The following SQSTM1 variants were observed in gnomAD, a reference collection of about 807,000 sequenced individuals.
SQSTM1 encodes sequestosome 1.
SQSTM1 carries 36 observed loss-of-function variants against 45.1 expected under a neutral mutation model. The observed-to-expected ratio is 0.80, with a 90% CI of 0.61 to 1.05. SQSTM1 has a LOEUF of 1.05. Ranked by LOEUF, SQSTM1 falls within the 50% of genes least tolerant of loss-of-function variation. The pLI, the probability that SQSTM1 is intolerant of heterozygous loss-of-function variation, is 0.00. For missense variants in SQSTM1, 617 were observed against 607.1 expected (o/e 1.02, Z -0.17); for synonymous variants, 290 against 244.3 (o/e 1.19, Z -1.74).
chr5:179,834,185 T>C (rs1480763816), intron 7 of SQSTM1, among the ~76,000 whole-genome samples: 1 of 116,920 alleles, frequency 8.6e-6, no homozygotes, highest in Non-Finnish European at 1.6e-5. Context: ...AAGATCCCTG[T>C]AGGAGCCAGG....
intron 5 of SQSTM1, among the ~76,000 whole-genome samples, chr5:179,828,783 C>A (rs950101413): frequency 6.6e-6 from 1 of 151,854 alleles, no homozygotes; most frequent in East Asian, 1.9e-4. Context: ...CTGCTCCCCC[C>A]TTAAACTCTA....
chr5:179,820,887 G>A (rs1185843692), upstream of SQSTM1: 15 of 1,427,828 alleles, frequency 1.1e-5, no homozygotes, highest in Non-Finnish European at 1.4e-5. Flanking sequence ...CAAAAGCCGC[G>A]CGGCGGCTGC....
upstream of SQSTM1, among the ~76,000 whole-genome samples, chr5:179,816,980 G>A (rs1757599288): frequency 6.6e-6 from 1 of 152,158 alleles, no homozygotes; most frequent in Non-Finnish European, 1.5e-5. Flanking sequence ...CGCGGGACGG[G>A]GCAGGGACCT....
intron 5 of SQSTM1, among the ~76,000 whole-genome samples, chr5:179,830,355 C>T (rs1045921588): frequency 2.0e-5 from 3 of 152,078 alleles, no homozygotes; most frequent in Non-Finnish European, 2.9e-5. Context: ...GACAATGGAA[C>T]AACTGATGAC....
intron 5 of SQSTM1, among the ~76,000 whole-genome samples, chr5:179,832,535 A>G (rs1758275625): frequency 1.3e-5 from 2 of 152,162 alleles, no homozygotes; most frequent in African/African-American, 4.8e-5. Flanking sequence ...GCCTTCCATC[A>G]CTGTGGCTGG....
intron 5 of SQSTM1, among the ~76,000 whole-genome samples, chr5:179,832,072 T>C (rs545770103): frequency 6.6e-6 from 1 of 152,326 alleles, no homozygotes; most frequent in African/African-American, 2.4e-5. Flanking sequence ...CGTGAGCCAC[T>C]GCGCTCGGCC....
At position 179,806,911 on chromosome 5, in the gene SQSTM1, C is replaced by G. The variant is rs1757191682; in HGVS notation, c.-157+320C>G. 1 of 150,776 alleles carries G rather than the reference C, an allele frequency of 6.6e-6. No homozygotes were observed. The highest frequency in any genetic ancestry group is 6.6e-5 in the Admixed American group (1 of 15,146). The allele number at this position is 150,776 out of a possible 1,614,324, so 9.3% of individuals were successfully genotyped here. On this transcript the variant is annotated intron_variant, in intron 1 of 5. Coordinates refer to the SQSTM1 transcript ENST00000514093. The surrounding 1 kb of genome is among the most constrained non-coding windows in gnomAD (Gnocchi z 4.6). ...CAGGGCCGGGCCGGGCCGGGCTGGG[C>G]TGGGCTGGGCGGCGAGAGCCGCGGC...
intron 7 of SQSTM1, among the ~76,000 whole-genome samples, chr5:179,834,411 G>GTTTATTTA (rs112557653): frequency 2.7e-5 from 4 of 146,186 alleles, no homozygotes; most frequent in African/African-American, 7.7e-5. Context: ...TCTTATTTTT[G>GTTTATTTA]TTTATTTATT....
At chr5:179,809,637 CTTTTTTTTTTT>C (rs1181470503) in intron 1 of SQSTM1, among the ~76,000 whole-genome samples, 4 of 77,648 alleles carry the variant, frequency 5.2e-5, no homozygotes, top group African/African-American at 1.6e-4. Context: ...GCGCCTGGCC[CTTTTTTTTTTT>C]TTTTTTTTTT....
chr5:179,813,579 C>T (rs934036810), intron 2 of SQSTM1: 3 of 151,758 alleles, frequency 2.0e-5, no homozygotes, highest in Non-Finnish European at 4.4e-5. Flanking sequence ...ACAGCGAGAC[C>T]CTCCTCTCTG....
Position 179,837,342 on chromosome 5 carries a change from C to G in SQSTM1, c.*749C>G. On this transcript the variant is annotated 3_prime_UTR_variant, in exon 8 of 8. Coordinates refer to ENST00000389805, the MANE Select transcript of SQSTM1 (RefSeq NM_003900.5). ...TCTTTAAAAGTGCCTTAGGGGAACC[C>G]TGTCCCTCCTAACAAGTGTATCTCG... The G allele has an allele frequency of 6.3e-7, 1 of 1,583,882 alleles. No individual in the cohort carries two copies. Among genetic ancestry groups the G allele is most frequent in the Non-Finnish European group, 8.6e-7 (1 of 1,164,850 alleles).
At chr5:179,825,310 G>C in intron 5 of SQSTM1, 84 bp downstream of exon 5, 1 of 1,187,406 alleles carries the variant, frequency 8.4e-7, no homozygotes. Flanking sequence ...AAAGGAATGG[G>C]TAATTGACAT....
chr5:179,823,140 C>G, intron 2 of SQSTM1, 87 bp downstream of exon 2: 4 of 1,242,164 alleles, frequency 3.2e-6, no homozygotes, highest in Non-Finnish European at 4.7e-6. Flanking sequence ...CGATGTTCCA[C>G]CAATGAAGGG....
intron 5 of SQSTM1, among the ~76,000 whole-genome samples, chr5:179,831,292 G>C (rs2113505614): frequency 6.6e-6 from 1 of 152,302 alleles, no homozygotes; most frequent in South Asian, 2.1e-4. Context: ...AGAACCAGTG[G>C]GGTCTCTGAT....
intron 1 of SQSTM1, among the ~76,000 whole-genome samples, chr5:179,811,376 CAT>C: frequency 2.3e-5 from 1 of 43,442 alleles, no homozygotes; most frequent in East Asian, 7.4e-4. Flanking sequence ...GGGGGAGGAG[CAT>C]GCAGGGGGAG....
Position 179,837,310 on chromosome 5 carries a change from C to G in SQSTM1, c.*717C>G, listed in dbSNP as rs1464407967. 2 of 1,598,646 alleles carry G rather than the reference C, an allele frequency of 1.3e-6. No homozygotes were observed. Among genetic ancestry groups the G allele is most frequent in the African/African-American group, 1.3e-5 (1 of 74,320 alleles). On this transcript the variant is annotated 3_prime_UTR_variant, in exon 8 of 8. Coordinates refer to ENST00000389805, the MANE Select transcript of SQSTM1 (RefSeq NM_003900.5). ...GTAAGTTTATTGTTAATGGTTCTTACAGAGTATCTTTAAAAGTGCCTTAGG... is the reference window on the plus strand; with the variant it reads ...GTAAGTTTATTGTTAATGGTTCTTAGAGAGTATCTTTAAAAGTGCCTTAGG...
chr5:179,829,154 C>G (rs1415754992), intron 5 of SQSTM1, among the ~76,000 whole-genome samples: 1 of 152,198 alleles, frequency 6.6e-6, no homozygotes, highest in Non-Finnish European at 1.5e-5. Context: ...AGCACCTGAC[C>G]CAGGGAAGCT....
At chr5:179,809,115 C>T (rs1023218308) in intron 1 of SQSTM1, among the ~76,000 whole-genome samples, 3 of 149,052 alleles carry the variant, frequency 2.0e-5, no homozygotes, top group Admixed American at 1.3e-4. Context: ...CCTCGGCCTC[C>T]CAAAATGCTG....
intron 5 of SQSTM1, among the ~76,000 whole-genome samples, chr5:179,831,908 C>T (rs137885728): frequency 0.012 from 1,850 of 151,878 alleles, 63 homozygotes; most frequent in African/African-American, 0.043. Context: ...CTCGGCCTCC[C>T]GAGTAACTGA....
Sources: gnomAD v4.1 joint callset for allele counts (sites outside exome capture counted in the v4.1 genomes callset) on GRCh38, gnomAD v4.1.1 for gene constraint, Gnocchi (gnomAD v3.1) non-coding constraint, MANE v1.5 for transcripts, NCBI Gene and HGNC (gene_info 2026-07-23, HGNC 2026-07-21) for gene names.